RIMS2: variants seen among roughly 807,000 people sequenced by gnomAD.
The protein encoded by RIMS2 is regulating synaptic membrane exocytosis 2.
Under a neutral mutation model 174.4 loss-of-function variants are expected in RIMS2, and 59 were observed. The observed-to-expected ratio is 0.34, with a 90% CI of 0.27 to 0.42. The LOEUF is 0.42. Among genes scored for constraint, RIMS2 ranks in the 10% least tolerant of loss-of-function variants. The pLI is 1.00. For missense variants in RIMS2, 1,620 were observed against 1,666.3 expected (o/e 0.97, Z 0.48); for synonymous variants, 606 against 572.5 (o/e 1.06, Z -0.84).
intron 2 of RIMS2, among the ~76,000 whole-genome samples, chr8:103,730,921 A>G (rs1318349589): frequency 6.6e-6 from 1 of 152,232 alleles, no homozygotes; most frequent in Non-Finnish European, 1.5e-5. Context: ...AAGAGGTTTA[A>G]TTGACTCACA....
intron 2 of RIMS2, among the ~76,000 whole-genome samples, chr8:103,710,276 A>G (rs951986514): frequency 3.9e-5 from 6 of 152,136 alleles, no homozygotes; most frequent in African/African-American, 1.4e-4. Flanking sequence ...TAATCTTTTA[A>G]GGGAATATAA....
intron 4 of RIMS2, among the ~76,000 whole-genome samples, chr8:103,889,570 A>G (rs2099229339): frequency 6.6e-6 from 1 of 151,820 alleles, no homozygotes; most frequent in South Asian, 2.1e-4. Context: ...ACGTAGCAGA[A>G]TCTTTCCTGG....
chr8:103,854,502 G>A (rs189021208), intron 3 of RIMS2, among the ~76,000 whole-genome samples: 6 of 151,722 alleles, frequency 4.0e-5, no homozygotes, highest in Admixed American at 3.9e-4. Flanking sequence ...GTTTGTCATA[G>A]ATGGCTCTTA....
intron 1 of RIMS2, among the ~76,000 whole-genome samples, chr8:103,553,447 G>T (rs750663919): frequency 6.6e-5 from 10 of 152,052 alleles, no homozygotes; most frequent in Non-Finnish European, 1.5e-4. Flanking sequence ...GACCTGTCAT[G>T]GGGTGGGGGA....
At chr8:103,894,745 G>A (rs2099267609) in intron 4 of RIMS2, among the ~76,000 whole-genome samples, 1 of 151,484 alleles carries the variant, frequency 6.6e-6, no homozygotes, top group East Asian at 1.9e-4. Context: ...TATATTTTAA[G>A]TTTCATCAAT....
chr8:104,157,256 C>T (rs933182269), intron 19 of RIMS2, among the ~76,000 whole-genome samples: 2 of 152,130 alleles, frequency 1.3e-5, no homozygotes, highest in African/African-American at 4.8e-5. Flanking sequence ...ACTTATATAG[C>T]ATCTAGGCTC....
At chr8:104,155,435 A>G (rs1186277358) in intron 19 of RIMS2, among the ~76,000 whole-genome samples, 1 of 109,156 alleles carries the variant, frequency 9.2e-6, no homozygotes, top group Non-Finnish European at 1.8e-5. Flanking sequence ...TTTTTCTGAG[A>G]CAGAGTCTTG....
chr8:103,805,132 T>A (rs2098641684), intron 3 of RIMS2, among the ~76,000 whole-genome samples: 1 of 152,130 alleles, frequency 6.6e-6, no homozygotes, highest in African/African-American at 2.4e-5. Flanking sequence ...TTTATGTATG[T>A]GTTTTTTTCT....
intron 1 of RIMS2, among the ~76,000 whole-genome samples, chr8:103,525,511 G>T (rs927808213): frequency 4.6e-5 from 7 of 152,122 alleles, no homozygotes; most frequent in African/African-American, 1.7e-4. Context: ...AGGCAGTCCG[G>T]CCTAGCTTGG....
At chr8:104,207,928 T>G (rs2441911) in intron 19 of RIMS2, among the ~76,000 whole-genome samples, 90,487 of 151,382 alleles carry the variant, frequency 0.6, 27,176 homozygotes, top group East Asian at 0.65. Flanking sequence ...GCAAGTGTAG[T>G]TTTTTATTTA....
At chr8:103,593,851 TA>T (rs2094373436) in intron 1 of RIMS2, among the ~76,000 whole-genome samples, 1 of 151,294 alleles carries the variant, frequency 6.6e-6, no homozygotes, top group African/African-American at 2.4e-5. Context: ...ATTTAATTTC[TA>T]AAAAGTAGAT....
intron 1 of RIMS2, among the ~76,000 whole-genome samples, chr8:103,597,320 A>G (rs1397235723): frequency 2.6e-5 from 4 of 152,294 alleles, no homozygotes; most frequent in African/African-American, 9.6e-5. Flanking sequence ...TCTCATGCAT[A>G]AGACAGCCAA....
At chr8:104,229,113 G>A (rs969651840) in intron 19 of RIMS2, among the ~76,000 whole-genome samples, 2 of 152,054 alleles carry the variant, frequency 1.3e-5, no homozygotes, top group African/African-American at 4.8e-5. Flanking sequence ...CCTTTAACAG[G>A]TTCACTACCA....
intron 1 of RIMS2, among the ~76,000 whole-genome samples, chr8:103,565,754 G>A (rs2092275762): frequency 6.6e-6 from 1 of 152,184 alleles, no homozygotes; most frequent in Non-Finnish European, 1.5e-5. Context: ...AGTGATGCCA[G>A]TGGGCTTAGG....
chr8:103,978,886 G>A (rs2093668400), intron 16 of RIMS2, among the ~76,000 whole-genome samples: 1 of 151,996 alleles, frequency 6.6e-6, no homozygotes, highest in Admixed American at 6.6e-5. Flanking sequence ...ATCTTTTTGT[G>A]TATCTCAGTA....
At chr8:103,819,711 T>C in intron 3 of RIMS2, 1 of 1,069,886 alleles carries the variant, frequency 9.3e-7, no homozygotes, top group Non-Finnish European at 1.4e-6. Context: ...TGTTTTGTAT[T>C]GAAGTGCTAG....
intron 3 of RIMS2, among the ~76,000 whole-genome samples, chr8:103,782,821 C>G (rs1564613149): frequency 6.6e-6 from 1 of 151,702 alleles, no homozygotes. Context: ...TCCATTTTTC[C>G]ATTGAGTTTT....
At chr8:103,829,115 G>A (rs1041307182) in intron 3 of RIMS2, among the ~76,000 whole-genome samples, 3 of 138,834 alleles carry the variant, frequency 2.2e-5, no homozygotes, top group Admixed American at 7.8e-5. Context: ...CTAATTTGGT[G>A]CAAAATACTG....
intron 3 of RIMS2, among the ~76,000 whole-genome samples, chr8:103,863,332 A>G (rs1381861539): frequency 6.6e-6 from 1 of 151,944 alleles, no homozygotes; most frequent in African/African-American, 2.4e-5. Context: ...ATTGTGGTGT[A>G]TTAATTTTTT....
Sources: allele counts gnomAD v4.1 joint callset (sites outside exome capture counted in the v4.1 genomes callset), GRCh38; gene constraint gnomAD v4.1.1; transcripts MANE v1.5; gene names NCBI Gene and HGNC (gene_info 2026-07-23, HGNC 2026-07-21).